Variants in SLC38A8 observed in about 807,000 individuals in gnomAD.
The protein encoded by SLC38A8 is amino acid transporter SLC38A8.
Under a neutral mutation model 46.0 loss-of-function variants are expected in SLC38A8, and 65 were observed. That is an observed-to-expected ratio of 1.41 (90% confidence interval 1.16 to 1.74). The LOEUF (loss-of-function observed/expected upper bound fraction) is 1.74, where lower values mean the gene tolerates loss of function less well. Ranked by LOEUF, SLC38A8 falls within the 40% of genes most tolerant of loss-of-function variation. SLC38A8 has a pLI of 0.00. For missense variants in SLC38A8, 998 were observed against 567.9 expected (o/e 1.76, Z -7.70); for synonymous variants, 447 against 243.7 (o/e 1.83, Z -7.77).
chr16:84,016,149 T>C (rs922458107), intron 9 of SLC38A8, among the ~76,000 whole-genome samples: 2 of 152,164 alleles, frequency 1.3e-5, no homozygotes, highest in African/African-American at 4.8e-5. Context: ...CCCCCACTTA[T>C]AAAACCATCA....
chr16:84,028,066 A>T (rs1168334639), intron 6 of SLC38A8, among the ~76,000 whole-genome samples: 8 of 151,362 alleles, frequency 5.3e-5, no homozygotes, highest in Non-Finnish European at 8.8e-5. Flanking sequence ...TTTTTTCCTA[A>T]AAAGGGTTCT....
intron 7 of SLC38A8, among the ~76,000 whole-genome samples, chr16:84,019,609 T>C (rs1341084397): frequency 6.6e-6 from 1 of 152,188 alleles, no homozygotes; most frequent in East Asian, 1.9e-4. Flanking sequence ...CCAAAACTCA[T>C]ATCCTCCTCG....
At chr16:84,012,576 C>T (rs531119931) in intron 10 of SLC38A8, among the ~76,000 whole-genome samples, 1 of 152,286 alleles carries the variant, frequency 6.6e-6, no homozygotes, top group East Asian at 1.9e-4. Context: ...AAGGACCTAG[C>T]TCAGTGCCTA....
In SLC38A8 at chr16:84,036,946, C is replaced by T. The variant is rs113121676; in HGVS notation, c.190-46G>A. ...CTGGAACTGGGGTGTGCCCACAGCC[C>T]ACCCACCCCCAGCCAGCCACCCCTC... On this transcript the variant is annotated intron_variant, in intron 2 of 10. Transcript: ENST00000299709. The T allele has an allele frequency of 2.1e-4, 319 of 1,534,072 alleles. 1 individual carries two copies. In the African/African-American group the frequency reaches 4.0e-3, roughly 19 times the overall value.
chr16:84,031,162 C>T (rs1401954897), intron 5 of SLC38A8, among the ~76,000 whole-genome samples: 4 of 152,168 alleles, frequency 2.6e-5, no homozygotes, highest in Non-Finnish European at 5.9e-5. Flanking sequence ...GCCTCAGCCT[C>T]CTGAATAGCT....
chr16:84,030,456 C>T (rs2085224453), intron 5 of SLC38A8, among the ~76,000 whole-genome samples: 1 of 152,072 alleles, frequency 6.6e-6, no homozygotes, highest in African/African-American at 2.4e-5. Context: ...ACGTCAGCCA[C>T]GTTTCTCCTG....
intron 6 of SLC38A8, among the ~76,000 whole-genome samples, chr16:84,026,565 G>A (rs552272334): frequency 1.2e-4 from 19 of 152,326 alleles, no homozygotes; most frequent in African/African-American, 4.6e-4. Flanking sequence ...CAGGCCTGCT[G>A]AGGGCAGGCA....
At chr16:84,018,529 C>G (rs1785289401) in intron 7 of SLC38A8, among the ~76,000 whole-genome samples, 1 of 152,030 alleles carries the variant, frequency 6.6e-6, no homozygotes, top group Non-Finnish European at 1.5e-5. Flanking sequence ...TGGCCCATTC[C>G]CTCTTCTTAT....
At position 84,042,129 on chromosome 16, in the gene SLC38A8, C is replaced by G. The variant is rs1328220501; in HGVS notation, c.29G>C (p.Gly10Ala). MEGQTPGSR[G>A]LPEKPHPATA... ...GGCAGGGTGAGGCTTTTCTGGAAGG[C>G]CCCTGCTTCCTGGGGTCTGTCCCTC... Residue 10 changes from glycine (G) to alanine (A), a missense_variant, in exon 2 of 11, where the codon GGC becomes GCC. Transcript: ENST00000299709. The G allele has an allele frequency of 6.2e-7, 1 of 1,613,216 alleles. No homozygotes were observed. Among genetic ancestry groups the G allele is most frequent in the Non-Finnish European group, 8.5e-7 (1 of 1,179,652 alleles).
Position 84,017,249 on chromosome 16 carries a change from C to A in SLC38A8, c.844G>T (p.Ala282Ser). 1 of 1,614,110 alleles carries A rather than the reference C, an allele frequency of 6.2e-7. No individual in the cohort carries two copies. The highest frequency in any genetic ancestry group is 1.1e-5 in the South Asian group (1 of 91,084). ...GFLTFGTEVS[A>S]DVLMSYPGND... ...CCTGGGTAGGACATCAAGACGTCAG[C>A]AGAAACTTCTGTCCCAAAAGTCAGG... The change falls in exon 8 of 11, where the codon GCT becomes TCT. Residue 282 changes from alanine (A) to serine (S), a missense_variant. By Grantham distance (99) the Ala-to-Ser change is moderately conservative. Transcript: ENST00000299709.
At chr16:84,015,411 G>A (rs540318517) in intron 9 of SLC38A8, among the ~76,000 whole-genome samples, 7 of 152,122 alleles carry the variant, frequency 4.6e-5, no homozygotes, top group Non-Finnish European at 8.8e-5. Context: ...CCTGGAGGCA[G>A]GAGGGAAGGG....
rs201257386 is a variant in SLC38A8, at chr16:84,009,799, G to T, written c.1293C>A (p.Val431=). The change falls in exon 11 of 11, where the codon GTC becomes GTA. Residue 431 remains valine, a synonymous_variant. Transcript: ENST00000299709. ...FIFGQSTAAA[V]WEMF ...TAGCTGCCCATCAGAACATCTCCCA[G>T]ACCGCTGCCGCCGTGCTCTGCCCAA... is the stretch of plus-strand genomic sequence containing the variant. The T allele has an allele frequency of 6.2e-7, 1 of 1,613,910 alleles. No individual in the cohort carries two copies. The highest frequency in any genetic ancestry group is 2.2e-5 in the East Asian group (1 of 44,864).
At chr16:84,031,202 G>A (rs995166669) in intron 5 of SLC38A8, among the ~76,000 whole-genome samples, 1 of 151,882 alleles carries the variant, frequency 6.6e-6, no homozygotes, top group African/African-American at 2.4e-5. Flanking sequence ...ATCACACCTG[G>A]CTGAATTTTA....
At chr16:84,027,709 G>A (rs555858488) in intron 6 of SLC38A8, among the ~76,000 whole-genome samples, 57 of 152,138 alleles carry the variant, frequency 3.7e-4, no homozygotes, top group Non-Finnish European at 6.8e-4. Flanking sequence ...ATCCTTCCCA[G>A]CTCTTCATCT....
In SLC38A8 at chr16:84,042,073, C is replaced by T. The variant is rs201572045; in HGVS notation, c.85G>A (p.Ala29Thr). Residue 29 changes from alanine (A) to threonine (T), a missense_variant, in exon 2 of 11, where the codon GCT becomes ACT. Physicochemically the swap from Ala to Thr is moderately conservative, Grantham distance 58 (BLOSUM62 0). Transcript: ENST00000299709. ...GCGGACTTCATGAGGATGAAGACAG[C>T]GCCCATCGAGGACAGAGTGGCAGCA... ...TAAATLSSMG[A>T]VFILMKSALG... 15 of 1,613,894 alleles carry T rather than the reference C, an allele frequency of 9.3e-6. 1 individual carries two copies. Among genetic ancestry groups the T allele is most frequent in the South Asian group, 6.6e-5 (6 of 91,072 alleles).
In SLC38A8 at chr16:84,022,884, G is replaced by A. The variant is rs372852162; in HGVS notation, c.696C>T (p.His232=). ...FPTICFGFQC[H]EAAVSIYCSM... is the part of the protein sequence containing the mutation. The stretch of plus-strand genomic sequence containing the variant: ...TGCAGTAGATGGAGACGGCAGCTTC[G>A]TGACACTGTAAGACAGAGGGCGGCT... Residue 232 remains histidine, a synonymous_variant, in exon 7 of 11, where the codon CAC becomes CAT. Transcript: ENST00000299709. 5.0e-5 allele frequency: 80 copies of A among 1,602,018 alleles called. No individual in the cohort carries two copies. The highest frequency in any genetic ancestry group is 1.7e-4 in the Middle Eastern group (1 of 5,982).
At chr16:84,013,140 G>A (rs2084974189) in intron 9 of SLC38A8, 88 bp from the exon 10 acceptor site, 7 of 1,520,690 alleles carry the variant, frequency 4.6e-6, no homozygotes, top group African/African-American at 4.1e-5. Flanking sequence ...AGGGACCCAG[G>A]AGGCCAGCAA....
intron 10 of SLC38A8, among the ~76,000 whole-genome samples, chr16:84,012,267 C>G (rs2084963627): frequency 6.6e-6 from 1 of 152,212 alleles, no homozygotes; most frequent in Non-Finnish European, 1.5e-5. Flanking sequence ...AGGAAGCGCA[C>G]ATCATTCACG....
chr16:84,021,012 T>A (rs1433735325), intron 7 of SLC38A8, among the ~76,000 whole-genome samples: 1 of 152,182 alleles, frequency 6.6e-6, no homozygotes, highest in African/African-American at 2.4e-5. Flanking sequence ...GCATCCTGAA[T>A]GCTCTGCTCC....
Sources: allele counts gnomAD v4.1 joint callset (sites outside exome capture counted in the v4.1 genomes callset), GRCh38; gene constraint gnomAD v4.1.1; transcripts MANE v1.5; gene names NCBI Gene and HGNC (gene_info 2026-07-23, HGNC 2026-07-21).